The following COQ8B variants were observed in gnomAD, a reference collection of about 807,000 sequenced individuals.
COQ8B encodes coenzyme Q8B.
In COQ8B, 44 loss-of-function variants were observed where a neutral mutation model predicts 62.0. That is an observed-to-expected ratio of 0.71 (90% confidence interval 0.56 to 0.91). The LOEUF (loss-of-function observed/expected upper bound fraction) is 0.91. Among genes scored for constraint, COQ8B ranks in the 40% least tolerant of loss-of-function variants. The probability of loss-of-function intolerance (pLI) is 0.00; values close to 1 mark genes in which losing one functional copy is unlikely to be tolerated. For missense variants in COQ8B, 649 were observed against 731.6 expected (o/e 0.89, Z 1.30); for synonymous variants, 252 against 289.9 (o/e 0.87, Z 1.33).
intron 12 of COQ8B, among the ~76,000 whole-genome samples, chr19:40,696,659 C>T (rs1040935497): frequency 2.8e-5 from 4 of 143,622 alleles, no homozygotes; most frequent in African/African-American, 8.0e-5. Flanking sequence ...AGTGAGACTC[C>T]GTCTCAAAAA....
At chr19:40,710,202 CTT>C in intron 4 of COQ8B, 66 bp from the exon 5 acceptor site, 1 of 1,433,330 alleles carries the variant, frequency 7.0e-7, no homozygotes, top group South Asian at 1.2e-5. Flanking sequence ...ACCCACTCTC[CTT>C]TCTCAGTTTT....
rs369573693 is a variant in COQ8B, at chr19:40,700,387, G to C, written c.958C>G (p.Arg320Gly). ...PAVVKELCTT[R>G]VLGMELAGGV... ...CCAGCCAGCTCCATGCCCAGCACCC[G>C]TGTCGTGCACAGCTCCTTAACCACG... Residue 320 changes from arginine (R) to glycine (G), a missense_variant, in exon 11 of 15, where the codon CGG becomes GGG. Transcript: ENST00000324464. 13 of 1,614,194 alleles carry C rather than the reference G, an allele frequency of 8.1e-6. No individual in the cohort carries two copies. The highest frequency in any genetic ancestry group is 1.1e-5 in the Non-Finnish European group (13 of 1,180,046).
At position 40,697,874 on chromosome 19, in the gene COQ8B, A is replaced by AGAGAGAGAGAGAGAGAGT. The variant is rs202234463; in HGVS notation, c.1144-1821_1144-1820insACTCTCTCTCTCTCTCTC. ...TATAGAGAGAGAGAGAGAGAGAGAGAGAGTTTCTACTGGGCGTTCATGCAA... is the reference window on the plus strand; with the variant it reads ...TATAGAGAGAGAGAGAGAGAGAGAGAGAGAGAGAGAGAGAGAGTGAGTTTCTACTGGGCGTTCATGCAA... On this transcript the variant is annotated intron_variant, in intron 12 of 14. Coordinates refer to ENST00000324464, the MANE Select transcript of COQ8B (RefSeq NM_024876.4). Among the ~76,000 whole-genome samples the AGAGAGAGAGAGAGAGAGT allele has an allele frequency of 1.1e-3, 111 of 96,920 alleles. 1 individual carries two copies. Among genetic ancestry groups the AGAGAGAGAGAGAGAGAGT allele is most frequent in the African/African-American group, 3.3e-3 (90 of 27,086 alleles). The allele number at this position is 96,920 out of a possible 152,430, so 63.6% of individuals were successfully genotyped here. A position where few individuals can be genotyped will look rare whatever the true frequency, so the allele number is the denominator to read the frequency against.
At chr19:40,693,840 A>G (rs2081992696) in intron 13 of COQ8B, among the ~76,000 whole-genome samples, 1 of 151,528 alleles carries the variant, frequency 6.6e-6, no homozygotes, top group African/African-American at 2.4e-5. Context: ...ATTTCACAGA[A>G]GGGGAAGCAG....
At chr19:40,696,536 G>A (rs2082016439) in intron 12 of COQ8B, among the ~76,000 whole-genome samples, 5 of 151,994 alleles carry the variant, frequency 3.3e-5, no homozygotes, top group East Asian at 3.9e-4. Context: ...GCGGTGGTGC[G>A]TGCCTGTAAT....
intron 12 of COQ8B, among the ~76,000 whole-genome samples, chr19:40,696,897 C>T (rs1843730920): frequency 6.6e-6 from 1 of 152,164 alleles, no homozygotes; most frequent in Non-Finnish European, 1.5e-5. Context: ...TACTGTCGTT[C>T]TCCTGCAACT....
chr19:40,715,183 C>T, intron 1 of COQ8B: 2 of 985,710 alleles, frequency 2.0e-6, no homozygotes, highest in Non-Finnish European at 2.4e-6. Context: ...CACGGAGTTT[C>T]TCCATCTGTG....
At chr19:40,701,990 C>T (rs984553603) in intron 10 of COQ8B, among the ~76,000 whole-genome samples, 2 of 152,118 alleles carry the variant, frequency 1.3e-5, no homozygotes, top group Admixed American at 6.6e-5. Flanking sequence ...ATGAATATAC[C>T]GTTGCTTATT....
rs372430065 is a variant in COQ8B, at chr19:40,703,890, C to T, written c.577-35G>A. The T allele has an allele frequency of 4.4e-6, 7 of 1,581,388 alleles. No homozygotes were observed. In the African/African-American group the frequency reaches 9.4e-5, roughly 21 times the overall value. On this transcript the variant is annotated intron_variant, in intron 7 of 14. Transcript: ENST00000324464. ...GTGGTCACAGCCATCATCATTGTGG[C>T]AGAGTTCATTCCCCAGGCTGAGTGC...
chr19:40,698,671 A>G (rs942343980), intron 12 of COQ8B, among the ~76,000 whole-genome samples: 2 of 152,138 alleles, frequency 1.3e-5, no homozygotes, highest in Admixed American at 6.5e-5. Flanking sequence ...GTGGAGAAAG[A>G]AGAGGCAAGG....
chr19:40,714,877 C>G (rs1233404117), intron 1 of COQ8B: 22 of 1,308,974 alleles, frequency 1.7e-5, no homozygotes, highest in Non-Finnish European at 1.9e-6. Context: ...AGGGTCCGCC[C>G]CCGTTACTAG....
rs1568435845 is a variant in COQ8B at position 40,692,911 on chromosome 19, C to T, written c.1296+40G>A. ...TAAGCAGCCCCCCACTGCACCCCAC[C>T]AACAGACACCAGCCCCTTTCTCCCC... On this transcript the variant is annotated intron_variant, in intron 14 of 14. Transcript: ENST00000324464. 3.1e-6 allele frequency: 5 copies of T among 1,594,790 alleles called. No homozygotes were observed. In the East Asian group the frequency reaches 9.0e-5, roughly 29 times the overall value.
Position 40,700,459 on chromosome 19 carries a change from A to G in COQ8B, c.894-8T>C. On this transcript the variant is annotated splice_region_variant and splice_polypyrimidine_tract_variant and intron_variant, in intron 10 of 14. Coordinates refer to ENST00000324464, the MANE Select transcript of COQ8B (RefSeq NM_024876.4). ...TCATTTGCCAGCAGCTGCCTGGGGCAGAAGGAAAGGGAGGAAGGGGACTTC... is the reference window on the plus strand; with the variant it reads ...TCATTTGCCAGCAGCTGCCTGGGGCGGAAGGAAAGGGAGGAAGGGGACTTC... 6.2e-7 allele frequency: 1 copy of G among 1,612,318 alleles called. No homozygotes were observed. Among genetic ancestry groups the G allele is most frequent in the Non-Finnish European group, 8.5e-7 (1 of 1,179,370 alleles).
At chr19:40,714,769 G>T in intron 1 of COQ8B, 134 bp from the exon 2 acceptor site, 2 of 1,298,320 alleles carry the variant, frequency 1.5e-6, no homozygotes, top group Non-Finnish European at 2.0e-6. Flanking sequence ...GATTCCCACA[G>T]TTTCTCCTGG....
chr19:40,710,679 GT>G (rs1183265832), intron 4 of COQ8B, among the ~76,000 whole-genome samples: 3 of 152,244 alleles, frequency 2.0e-5, no homozygotes, highest in African/African-American at 7.2e-5. Flanking sequence ...CCTCCCAGCA[GT>G]TCTCAGCCCT....
At position 40,701,802 on chromosome 19, in the gene COQ8B, ACT is replaced by A. The variant is rs551611073; in HGVS notation, c.893+796_893+797del. Among the ~76,000 whole-genome samples the A allele has an allele frequency of 2.8e-3, 426 of 151,992 alleles. 3 individuals carry two copies. The highest frequency in any genetic ancestry group is 8.8e-3 in the African/African-American group (363 of 41,456). On this transcript the variant is annotated intron_variant, in intron 10 of 14. Coordinates refer to ENST00000324464, the MANE Select transcript of COQ8B (RefSeq NM_024876.4). ...AACCACTGCCTTCTACTGAGCTTTC[ACT>A]CTCTGTCTACAGAGCTTGGCACGTT...
At chr19:40,696,694 G>A (rs1050401104) in intron 12 of COQ8B, among the ~76,000 whole-genome samples, 1 of 150,990 alleles carries the variant, frequency 6.6e-6, no homozygotes, top group African/African-American at 2.4e-5. Context: ...CCCCATCCAC[G>A]TGGAGCCTCC....
intron 13 of COQ8B, among the ~76,000 whole-genome samples, chr19:40,693,290 T>G (rs903771155): frequency 6.6e-6 from 1 of 152,162 alleles, no homozygotes; most frequent in Non-Finnish European, 1.5e-5. Flanking sequence ...GCCCGGGAAC[T>G]GCCACAGTGA....
chr19:40,712,683 C>T (rs2144716640), intron 4 of COQ8B, among the ~76,000 whole-genome samples: 1 of 152,188 alleles, frequency 6.6e-6, no homozygotes, highest in East Asian at 1.9e-4. Context: ...TTTCACGAAA[C>T]AAGACTTTCC....
Sources: allele counts gnomAD v4.1 joint callset (sites outside exome capture counted in the v4.1 genomes callset), GRCh38; gene constraint gnomAD v4.1.1; transcripts MANE v1.5; gene names NCBI Gene and HGNC (gene_info 2026-07-23, HGNC 2026-07-21).